The following DCDC1 variants were observed in gnomAD, a reference collection of about 807,000 sequenced individuals.
The protein encoded by DCDC1 is doublecortin domain-containing protein 1.
Under a neutral mutation model 178.3 loss-of-function variants are expected in DCDC1, and 200 were observed. That is an observed-to-expected ratio of 1.12 (90% CI 1.00 to 1.26). DCDC1 has a LOEUF of 1.26. Among genes scored for constraint, DCDC1 ranks in the 50% most tolerant of loss-of-function variants. DCDC1 has a pLI of 0.00. For missense variants in DCDC1, 1,983 were observed against 1,749.2 expected (o/e 1.13, Z -2.38); for synonymous variants, 690 against 604.8 (o/e 1.14, Z -2.07).
intron 20 of DCDC1, among the ~76,000 whole-genome samples, chr11:31,054,649 T>C (rs1955473031): frequency 1.3e-5 from 2 of 152,112 alleles, no homozygotes; most frequent in Non-Finnish European, 2.9e-5. Context: ...CATAGACCAA[T>C]GGAACAGAAT....
At chr11:31,221,884 A>G (rs1004108693) in intron 9 of DCDC1, among the ~76,000 whole-genome samples, 2 of 152,080 alleles carry the variant, frequency 1.3e-5, no homozygotes, top group Non-Finnish European at 2.9e-5. Context: ...ACATTTTATT[A>G]TAAGTAGTCA....
intron 11 of DCDC1, among the ~76,000 whole-genome samples, chr11:31,111,703 G>A (rs1959178874): frequency 2.6e-5 from 4 of 152,126 alleles, no homozygotes; most frequent in Admixed American, 1.3e-4. Context: ...CTCAACTTTG[G>A]AACAAAACTC....
chr11:31,147,022 G>A (rs1003064619), intron 9 of DCDC1, among the ~76,000 whole-genome samples: 3 of 152,100 alleles, frequency 2.0e-5, no homozygotes, highest in Non-Finnish European at 2.9e-5. Context: ...GAGTGGGGCA[G>A]AAGTCCCTTC....
intron 7 of DCDC1, among the ~76,000 whole-genome samples, chr11:31,271,890 T>C (rs1945583275): frequency 6.6e-6 from 1 of 152,044 alleles, no homozygotes; most frequent in Non-Finnish European, 1.5e-5. Flanking sequence ...AGGCCAGGCA[T>C]GGTAGCTCAT....
At chr11:31,142,059 C>T (rs1365563024) in intron 9 of DCDC1, among the ~76,000 whole-genome samples, 1 of 152,156 alleles carries the variant, frequency 6.6e-6, no homozygotes, top group Non-Finnish European at 1.5e-5. Flanking sequence ...GGAGAGAGTC[C>T]TTTGTTTCTA....
intron 20 of DCDC1, among the ~76,000 whole-genome samples, chr11:31,006,585 T>C (rs936577874): frequency 2.0e-5 from 3 of 152,210 alleles, no homozygotes; most frequent in African/African-American, 7.2e-5. Context: ...GCTCCATTCC[T>C]CAGTTTCCTC....
chr11:31,051,213 T>C (rs529061707), intron 20 of DCDC1, among the ~76,000 whole-genome samples: 2 of 152,028 alleles, frequency 1.3e-5, no homozygotes, highest in Non-Finnish European at 2.9e-5. Context: ...ACTGAACAAG[T>C]AGAAGAAAGA....
chr11:30,872,427 C>T (rs937311030), intron 38 of DCDC1, among the ~76,000 whole-genome samples: 1 of 151,796 alleles, frequency 6.6e-6, no homozygotes, highest in Admixed American at 6.6e-5. Context: ...TGTTGAAATG[C>T]TAATACTTTG....
chr11:31,043,883 T>C (rs571979335), intron 20 of DCDC1, among the ~76,000 whole-genome samples: 2 of 151,884 alleles, frequency 1.3e-5, no homozygotes, highest in South Asian at 2.1e-4. Flanking sequence ...TGCGCTAGTG[T>C]TCACCATGAT....
At chr11:31,192,360 T>C (rs1298727969) in intron 9 of DCDC1, among the ~76,000 whole-genome samples, 3 of 152,110 alleles carry the variant, frequency 2.0e-5, no homozygotes, top group Non-Finnish European at 4.4e-5. Flanking sequence ...TGACCCAATG[T>C]TGGCTACCTT....
At chr11:30,892,487 TGTA>T (rs1177052978) in intron 36 of DCDC1, among the ~76,000 whole-genome samples, 2 of 151,828 alleles carry the variant, frequency 1.3e-5, no homozygotes, top group African/African-American at 4.8e-5. Context: ...AAATAAATAA[TGTA>T]ATAATAATAA....
intron 10 of DCDC1, 84 bp from the exon 11 acceptor site, chr11:31,127,723 T>TG: frequency 1.5e-6 from 1 of 645,922 alleles, no homozygotes; most frequent in East Asian, 2.7e-5. Flanking sequence ...CCTAGCTTGA[T>TG]GGGGGGAAAA....
chr11:31,330,522 T>C (rs1949915937), intron 2 of DCDC1, among the ~76,000 whole-genome samples: 1 of 152,228 alleles, frequency 6.6e-6, no homozygotes, highest in Non-Finnish European at 1.5e-5. Flanking sequence ...AGGGTTTTTA[T>C]GGTTTTAGGT....
intron 4 of DCDC1, 105 bp from the exon 5 acceptor site, chr11:31,306,493 G>C (rs1948469201): frequency 8.0e-7 from 1 of 1,246,120 alleles, no homozygotes; most frequent in Non-Finnish European, 1.1e-6. Context: ...ACTAAAGATT[G>C]TTCCTATGTA....
intron 10 of DCDC1, among the ~76,000 whole-genome samples, chr11:31,137,151 T>G (rs1160723835): frequency 1.3e-5 from 2 of 152,126 alleles, no homozygotes; most frequent in Non-Finnish European, 2.9e-5. Context: ...TGAGAAAATA[T>G]TCATGAGACT....
chr11:31,209,446 G>T (rs1972244585), intron 9 of DCDC1, among the ~76,000 whole-genome samples: 1 of 152,224 alleles, frequency 6.6e-6, no homozygotes, highest in Non-Finnish European at 1.5e-5. Context: ...ATATTACAGA[G>T]TGGTTGAAGA....
intron 20 of DCDC1, among the ~76,000 whole-genome samples, chr11:31,000,562 G>T (rs1398040497): frequency 1.3e-5 from 2 of 152,126 alleles, no homozygotes; most frequent in Admixed American, 6.5e-5. Flanking sequence ...CTTATGGATT[G>T]CAAGTCTCTA....
chr11:30,867,398 T>C (rs979937672), intron 38 of DCDC1, among the ~76,000 whole-genome samples: 3 of 152,204 alleles, frequency 2.0e-5, no homozygotes, highest in Admixed American at 2.0e-4. Context: ...GTAGAAGAAA[T>C]ATCTACTTCG....
At chr11:31,051,878 G>C (rs1029591266) in intron 20 of DCDC1, among the ~76,000 whole-genome samples, 1 of 152,054 alleles carries the variant, frequency 6.6e-6, no homozygotes, top group African/African-American at 2.4e-5. Context: ...CATCTTTAAA[G>C]CATAAATCAC....
Sources: allele counts gnomAD v4.1 joint callset (sites outside exome capture counted in the v4.1 genomes callset), GRCh38; gene constraint gnomAD v4.1.1; transcripts MANE v1.5; gene names NCBI Gene and HGNC (gene_info 2026-07-23, HGNC 2026-07-21).